SNAP91: variants seen among roughly 807,000 people sequenced by gnomAD.
SNAP91 encodes synaptosome associated protein 91.
In SNAP91, 27 loss-of-function variants were observed where a neutral mutation model predicts 100.3. The ratio of observed to expected loss-of-function variants is 0.27; its 90% CI spans 0.20 to 0.37. SNAP91 has a LOEUF of 0.37. Among genes scored for constraint, SNAP91 ranks in the 10% least tolerant of loss-of-function variants. The pLI is 1.00. For synonymous variants in SNAP91, 404 were observed against 398.6 expected (o/e 1.01, Z -0.16); for missense variants, 986 against 1,123.7 (o/e 0.88, Z 1.75).
At position 83,656,822 on chromosome 6, in the gene SNAP91, A is replaced by T; in HGVS notation, c.590T>A (p.Phe197Tyr). The T allele has an allele frequency of 6.2e-7, 1 of 1,607,514 alleles. No homozygotes were observed. Among genetic ancestry groups the T allele is most frequent in the Non-Finnish European group, 8.5e-7 (1 of 1,176,944 alleles). Reference sequence around the variant, plus strand: ...GATAAGATCTTTGAAAAGAAGCATAAATGCTGCATTTATGACACCATTTGT... The same window carrying T: ...GATAAGATCTTTGAAAAGAAGCATATATGCTGCATTTATGACACCATTTGT... ...ELTNGVINAA[F>Y]MLLFKDLIKL... Residue 197 changes from phenylalanine to tyrosine, a missense_variant, in exon 7 of 30, where the codon TTT becomes TAT. Physicochemically the swap from Phe to Tyr is conservative, Grantham distance 22. Transcript: ENST00000369694.
At chr6:83,572,244 G>A (rs984008434) in intron 26 of SNAP91, among the ~76,000 whole-genome samples, 14 of 151,872 alleles carry the variant, frequency 9.2e-5, no homozygotes, top group Non-Finnish European at 1.3e-4. Context: ...GGCTCTAAAC[G>A]TTTTTTCCTT....
chr6:83,682,663 A>T (rs1201386745), intron 2 of SNAP91, among the ~76,000 whole-genome samples: 2 of 151,896 alleles, frequency 1.3e-5, no homozygotes, highest in Non-Finnish European at 2.9e-5. Context: ...TACATGTGCC[A>T]TGCTGGTGTG....
intron 7 of SNAP91, among the ~76,000 whole-genome samples, chr6:83,651,440 T>A (rs1447902072): frequency 1.3e-5 from 2 of 152,174 alleles, no homozygotes; most frequent in Non-Finnish European, 2.9e-5. Context: ...TGATAAGGTG[T>A]ATTTTCAGCA....
intron 8 of SNAP91, among the ~76,000 whole-genome samples, chr6:83,640,776 T>G (rs567707307): frequency 6.6e-6 from 1 of 152,276 alleles, no homozygotes; most frequent in African/African-American, 2.4e-5. Flanking sequence ...AAGGATTTTC[T>G]AACAATTAAA....
At chr6:83,707,222 T>C in intron 2 of SNAP91, among the ~76,000 whole-genome samples, 1 of 152,084 alleles carries the variant, frequency 6.6e-6, no homozygotes, top group East Asian at 1.9e-4. Context: ...CCTCATTCAG[T>C]ACCTTGAATT....
chr6:83,653,409 C>G (rs2098281038), intron 7 of SNAP91, among the ~76,000 whole-genome samples: 1 of 152,150 alleles, frequency 6.6e-6, no homozygotes, highest in African/African-American at 2.4e-5. Flanking sequence ...GTTTCCTCAG[C>G]CATGTCCTGT....
intron 24 of SNAP91, among the ~76,000 whole-genome samples, chr6:83,577,682 C>G (rs1333310531): frequency 6.6e-6 from 1 of 152,108 alleles, no homozygotes; most frequent in Non-Finnish European, 1.5e-5. Context: ...GCAATGCAGT[C>G]TCAATAGAAG....
chr6:83,585,306 T>G (rs1236368695), intron 22 of SNAP91, among the ~76,000 whole-genome samples: 1 of 152,120 alleles, frequency 6.6e-6, no homozygotes, highest in Non-Finnish European at 1.5e-5. Flanking sequence ...GCCAGGAGTT[T>G]GAGACCAGCT....
intron 26 of SNAP91, among the ~76,000 whole-genome samples, chr6:83,566,727 TAA>T (rs1286555466): frequency 6.6e-6 from 1 of 152,068 alleles, no homozygotes; most frequent in Non-Finnish European, 1.5e-5. Context: ...AAGCCCAACA[TAA>T]ATAATAAAAT....
intron 26 of SNAP91, among the ~76,000 whole-genome samples, chr6:83,567,497 A>T (rs1301989927): frequency 4.6e-5 from 7 of 152,242 alleles, no homozygotes; most frequent in African/African-American, 1.7e-4. Flanking sequence ...CAAAATTGAC[A>T]AATGGGATCA....
chr6:83,612,749 G>C (rs1419213906), intron 11 of SNAP91, among the ~76,000 whole-genome samples: 1 of 151,784 alleles, frequency 6.6e-6, no homozygotes, highest in African/African-American at 2.4e-5. Context: ...AAATTAGCTG[G>C]GTGTGGTGGC....
intron 10 of SNAP91, among the ~76,000 whole-genome samples, chr6:83,616,274 C>T (rs1583992928): frequency 6.6e-6 from 1 of 151,518 alleles, no homozygotes; most frequent in East Asian, 1.9e-4. Flanking sequence ...GAAAAAGGCA[C>T]AAAGATTGGA....
Position 83,605,672 on chromosome 6 carries a change from T to C in SNAP91, c.1141+13A>G, listed in dbSNP as rs755763605. 7.7e-6 allele frequency: 12 copies of C among 1,551,074 alleles called. No homozygotes were observed. In the African/African-American group the frequency reaches 1.5e-4, roughly 19 times the overall value. ...TGAATAGAGAAATGGCAAGGTTGTC[T>C]GGTTTTACTCACCTCCCCATGCAGT... is the stretch of plus-strand genomic sequence containing the variant. On this transcript the variant is annotated intron_variant, in intron 14 of 29. Transcript: ENST00000369694.
chr6:83,626,493 T>C (rs1277688730), intron 8 of SNAP91, among the ~76,000 whole-genome samples: 1 of 152,182 alleles, frequency 6.6e-6, no homozygotes, highest in Non-Finnish European at 1.5e-5. Context: ...TCCATGAGCA[T>C]GAAATGTTTT....
chr6:83,694,352 T>G (rs952236028), intron 2 of SNAP91, among the ~76,000 whole-genome samples: 6 of 152,196 alleles, frequency 3.9e-5, no homozygotes, highest in African/African-American at 1.4e-4. Flanking sequence ...TAGATGACAG[T>G]GGAGGACTCT....
chr6:83,628,251 GTTTA>G (rs940826943), intron 8 of SNAP91, among the ~76,000 whole-genome samples: 7 of 98,562 alleles, frequency 7.1e-5, no homozygotes, highest in East Asian at 3.7e-4. Context: ...ATATATCACA[GTTTA>G]TTTATCCATT....
At chr6:83,674,978 C>T (rs1052765716) in intron 2 of SNAP91, among the ~76,000 whole-genome samples, 1 of 152,106 alleles carries the variant, frequency 6.6e-6, no homozygotes, top group African/African-American at 2.4e-5. Context: ...CGAGACTGAG[C>T]TAGAGGGGCT....
Position 83,556,211 on chromosome 6 carries a change from G to GGACTCT in SNAP91, c.2660_2665dup (p.Gln887_Ser888dup). 6.3e-7 allele frequency: 1 copy of GGACTCT among 1,575,100 alleles called. No individual in the cohort carries two copies. Among genetic ancestry groups the GGACTCT allele is most frequent in the South Asian group, 1.2e-5 (1 of 85,720 alleles). ...TGGGTCCTTTGCTGGAGGTTTCTTG[G>GGACTCT]GACTCTGACTGGCAGGTGTAGGGCT... is the stretch of plus-strand genomic sequence containing the variant. On this transcript the variant is annotated inframe_insertion, in exon 29 of 30. Transcript: ENST00000369694.
chr6:83,560,520 G>A (rs972889675), intron 27 of SNAP91, among the ~76,000 whole-genome samples: 6 of 152,080 alleles, frequency 3.9e-5, no homozygotes, highest in African/African-American at 1.4e-4. Flanking sequence ...TATGAAAGAT[G>A]GTCCTAAAAT....
Sources: gnomAD v4.1 joint callset for allele counts (sites outside exome capture counted in the v4.1 genomes callset) on GRCh38, gnomAD v4.1.1 for gene constraint, MANE v1.5 for transcripts, NCBI Gene and HGNC (gene_info 2026-07-23, HGNC 2026-07-21) for gene names.